The following GLI3 variants were observed in gnomAD, a reference collection of about 807,000 sequenced individuals.
The protein encoded by GLI3 is transcription activator GLI3.
GLI3 carries 20 observed loss-of-function variants against 100.8 expected under a neutral mutation model. The ratio of observed to expected loss-of-function variants is 0.20; its 90% CI spans 0.14 to 0.29. The LOEUF (loss-of-function observed/expected upper bound fraction) is 0.29. Among genes scored for constraint, GLI3 ranks in the 10% least tolerant of loss-of-function variants. The pLI is 1.00. For synonymous variants in GLI3, 938 were observed against 860.5 expected (o/e 1.09, Z -1.58); for missense variants, 2,040 against 2,128.5 (o/e 0.96, Z 0.82).
Position 42,067,117 on chromosome 7 carries a change from T to G in GLI3, c.473+9635A>C, listed in dbSNP as rs192767148. On this transcript the variant is annotated intron_variant, in intron 4 of 14. Coordinates refer to ENST00000395925, the MANE Select transcript of GLI3 (RefSeq NM_000168.6). ...ATAAAAGTATTAACATAATCCAACA[T>G]AACTCTAATATTAATTTGTTATATC... 3.0e-3 allele frequency among the ~76,000 whole-genome samples: 458 copies of G among 152,290 alleles called. 1 individual carries two copies. The highest frequency in any genetic ancestry group is 0.011 in the African/African-American group (448 of 41,572).
At chr7:42,051,708 T>C (rs1204757739) in intron 4 of GLI3, among the ~76,000 whole-genome samples, 3 of 152,222 alleles carry the variant, frequency 2.0e-5, no homozygotes, top group Non-Finnish European at 2.9e-5. Flanking sequence ...TTTAAATTCA[T>C]AGCAAAATTG....
At chr7:42,155,907 C>A (rs1786991533) in intron 2 of GLI3, among the ~76,000 whole-genome samples, 1 of 152,068 alleles carries the variant, frequency 6.6e-6, no homozygotes, top group Non-Finnish European at 1.5e-5. Context: ...TGCCCTGTAG[C>A]CCATAGGGTT....
At chr7:42,241,027 G>A (rs557316929), upstream of GLI3, among the ~76,000 whole-genome samples, 3 of 152,196 alleles carry the variant, frequency 2.0e-5, no homozygotes, top group East Asian at 5.8e-4. Context: ...TAAACTTCAA[G>A]TTGCATGGGA....
chr7:42,016,963 A>G (rs1788782774), intron 10 of GLI3, among the ~76,000 whole-genome samples: 1 of 152,086 alleles, frequency 6.6e-6, no homozygotes, highest in African/African-American at 2.4e-5. Flanking sequence ...CCAGTCTTTG[A>G]GGGTGTAAAT....
At chr7:42,062,712 GACAC>G (rs10523955) in intron 4 of GLI3, among the ~76,000 whole-genome samples, 4 of 149,712 alleles carry the variant, frequency 2.7e-5, no homozygotes, top group East Asian at 2.0e-4. Context: ...CACACACACA[GACAC>G]ACACACACAC....
chr7:41,978,870 T>C (rs1402972016), intron 10 of GLI3, 122 bp from the exon 11 acceptor site: 7 of 859,298 alleles, frequency 8.1e-6, no homozygotes, highest in Non-Finnish European at 1.3e-5. Flanking sequence ...AGAATAACTT[T>C]ACCATATTAC....
At chr7:42,057,575 C>G (rs946635311) in intron 4 of GLI3, among the ~76,000 whole-genome samples, 1 of 152,296 alleles carries the variant, frequency 6.6e-6, no homozygotes, top group African/African-American at 2.4e-5. Flanking sequence ...AACCTAATAT[C>G]TATCAACAGT....
intron 2 of GLI3, among the ~76,000 whole-genome samples, chr7:42,168,931 AC>A (rs1229544355): frequency 1.3e-5 from 2 of 152,140 alleles, no homozygotes; most frequent in Non-Finnish European, 2.9e-5. Flanking sequence ...AAAATTAAAA[AC>A]AAAAAAATAA....
At chr7:42,223,680 C>G (rs1429844079) in intron 1 of GLI3, among the ~76,000 whole-genome samples, 1 of 152,142 alleles carries the variant, frequency 6.6e-6, no homozygotes, top group Admixed American at 6.5e-5. Context: ...CAGGAAGGGG[C>G]ATTTGAACAA....
At chr7:41,977,502 C>T in intron 12 of GLI3, 56 bp downstream of exon 12, 1 of 1,574,172 alleles carries the variant, frequency 6.4e-7, no homozygotes, top group Non-Finnish European at 8.7e-7. Flanking sequence ...ATGTGCCTTC[C>T]CCGGGATAGT....
chr7:42,217,806 A>C (rs1788406975), intron 2 of GLI3, among the ~76,000 whole-genome samples: 1 of 152,240 alleles, frequency 6.6e-6, no homozygotes, highest in African/African-American at 2.4e-5. Context: ...TAATTTGAAA[A>C]CTGACGTGTA....
At chr7:42,199,719 G>C (rs1013662975) in intron 2 of GLI3, among the ~76,000 whole-genome samples, 2 of 152,186 alleles carry the variant, frequency 1.3e-5, no homozygotes, top group Admixed American at 1.3e-4. Context: ...CTGTGATGAT[G>C]GGCTGAGGCC....
Position 41,966,209 on chromosome 7 carries a change from G to A in GLI3, c.2864C>T (p.Thr955Met), listed in dbSNP as rs767298749. ...LPNMERMSLK[T>M]RLALLGDALE... ...GGCATCCCCGAGCAGCGCCAGGCGC[G>A]TCTTCAGGCTCATCCTCTCCATGTT... is the stretch of plus-strand genomic sequence containing the variant. The change falls in exon 15 of 15, where the codon ACG becomes ATG. Residue 955 changes from threonine to methionine, a missense_variant. Thr to Met is a moderately conservative substitution (Grantham distance 81). This residue lies in a region of GLI3 where 1,041 missense variants were observed against 924.0 expected (regional missense o/e 1.13). Coordinates refer to ENST00000395925, the MANE Select transcript of GLI3 (RefSeq NM_000168.6). This position sits in a 1 kb window ranked among gnomAD's most constrained non-coding sequence, Gnocchi z 5.8. 6.2e-7 allele frequency: 1 copy of A among 1,607,702 alleles called. No individual in the cohort carries two copies. The highest frequency in any genetic ancestry group is 8.5e-7 in the Non-Finnish European group (1 of 1,178,768).
rs1047033911 is a variant in GLI3, at chr7:42,156,449, G to T, written c.125-7981C>A. ...CTCTCTCTGTGAGTCACAGTCTCATGAGCATTTAGGTATTCGAGATTTCTT... is the reference window on the plus strand; with the variant it reads ...CTCTCTCTGTGAGTCACAGTCTCATTAGCATTTAGGTATTCGAGATTTCTT... On this transcript the variant is annotated intron_variant, in intron 2 of 14. Coordinates refer to ENST00000395925, the MANE Select transcript of GLI3 (RefSeq NM_000168.6). 2.6e-5 allele frequency among the ~76,000 whole-genome samples: 4 copies of T among 152,198 alleles called. No homozygotes were observed. In the East Asian group the frequency reaches 7.7e-4, roughly 29 times the overall value.
intron 10 of GLI3, among the ~76,000 whole-genome samples, chr7:42,002,340 T>C (rs2128722244): frequency 6.6e-6 from 1 of 152,336 alleles, no homozygotes; most frequent in Middle Eastern, 3.4e-3. Context: ...ACAACAGCTG[T>C]AGTTGTTCTC....
intron 2 of GLI3, among the ~76,000 whole-genome samples, chr7:42,219,418 A>G (rs953964144): frequency 1.5e-4 from 22 of 150,506 alleles, no homozygotes; most frequent in Admixed American, 1.3e-4. Flanking sequence ...ATCAAATTTG[A>G]CTTGCCTTTT....
chr7:41,965,865 T>A lies in GLI3; in HGVS notation c.3208A>T (p.Thr1070Ser), dbSNP rs150907867. The A allele has an allele frequency of 1.3e-3, 2,092 of 1,613,636 alleles. 4 individuals are homozygous for A. Among genetic ancestry groups the A allele is most frequent in the Non-Finnish European group, 1.6e-3 (1,930 of 1,179,894 alleles). Residue 1070 changes from threonine (T) to serine (S), a missense_variant, in exon 15 of 15, where the codon ACC becomes TCC. This residue lies in a region of GLI3 where 1,041 missense variants were observed against 924.0 expected (regional missense o/e 1.13). Transcript: ENST00000395925. ...FHSSPCPPSI[T>S]ENVTLESLTM... ...AGGGACTCCAGGGTGACGTTCTCGG[T>A]GATGCTGGGAGGACAGGGGGACGAG...
upstream of GLI3, among the ~76,000 whole-genome samples, chr7:42,237,473 G>A (rs184624991): frequency 6.6e-6 from 1 of 151,998 alleles, no homozygotes; most frequent in Admixed American, 6.5e-5. Context: ...CCCCCGCCCC[G>A]ACCTGGCACC....
chr7:41,992,352 T>C (rs1369740123), intron 10 of GLI3, among the ~76,000 whole-genome samples: 2 of 152,080 alleles, frequency 1.3e-5, no homozygotes, highest in Non-Finnish European at 2.9e-5. Flanking sequence ...GGCCAGGAGA[T>C]TTGGTGACGA....
Sources: gnomAD v4.1 joint callset for allele counts (sites outside exome capture counted in the v4.1 genomes callset) on GRCh38, gnomAD v4.1.1 for gene constraint, gnomAD v4.1.1 regional missense constraint, Gnocchi (gnomAD v3.1) non-coding constraint, MANE v1.5 for transcripts, NCBI Gene and HGNC (gene_info 2026-07-23, HGNC 2026-07-21) for gene names.